ZNF701: variants seen among roughly 807,000 people sequenced by gnomAD.
ZNF701 encodes the protein zinc finger protein 701.
In ZNF701, 6 loss-of-function variants were observed where a neutral mutation model predicts 7.1. The ratio of observed to expected loss-of-function variants is 0.84; its 90% confidence interval spans 0.46 to 1.66. ZNF701 has a LOEUF of 1.66. Ranked by LOEUF, ZNF701 falls within the 40% of genes most tolerant of loss-of-function variation. ZNF701 has a pLI of 0.01. For synonymous variants in ZNF701, 166 were observed against 188.2 expected, an observed-to-expected ratio of 0.88 and a Z score of 0.97; for missense variants, 541 against 559.2, an observed-to-expected ratio of 0.97 and a Z score of 0.33.
the ZNF701 span, among the ~76,000 whole-genome samples, chr19:52,593,844 A>G: frequency 9.3e-6 from 1 of 107,936 alleles, no homozygotes; most frequent in Non-Finnish European, 2.0e-5. Context: ...CTGGACAGCC[A>G]GGCAGAGGGG....
rs756479575 is a variant in ZNF701, at chr19:52,574,086, C to A, written c.-62C>A. On this transcript the variant is annotated 5_prime_UTR_variant, in exon 2 of 4. Transcript: ENST00000391785. ...TATTTCTAACATTCAGGATTGACTT[C>A]TAAAGACTTGGTACGTGAGGAAAAA... 2.5e-6 allele frequency: 4 copies of A among 1,611,948 alleles called. No individual in the cohort carries two copies. The highest frequency in any genetic ancestry group is 3.4e-6 in the Non-Finnish European group (4 of 1,179,248).
At chr19:52,575,168 A>G (rs1001053205) in intron 2 of ZNF701, among the ~76,000 whole-genome samples, 7 of 151,988 alleles carry the variant, frequency 4.6e-5, no homozygotes, top group Admixed American at 4.6e-4. Flanking sequence ...ACGGGGTTTC[A>G]CCGTGTTAGC....
chr19:52,580,846 G>A (rs2059970634), intron 3 of ZNF701, among the ~76,000 whole-genome samples: 1 of 152,006 alleles, frequency 6.6e-6, no homozygotes, highest in African/African-American at 2.4e-5. Flanking sequence ...AAGTGCTGCT[G>A]GGCACAGTGG....
At chr19:52,572,693 G>A (rs1415909024) in intron 1 of ZNF701, 13 of 346,470 alleles carry the variant, frequency 3.8e-5, no homozygotes, top group Non-Finnish European at 5.5e-5. Flanking sequence ...GTCCCTGGCA[G>A]GGAACCCTCC....
At chr19:52,593,681 C>CG in the ZNF701 span, among the ~76,000 whole-genome samples, 1 of 111,892 alleles carries the variant, frequency 8.9e-6, no homozygotes, top group Admixed American at 9.1e-5. Context: ...ACTTATCAGA[C>CG]GGGGTGGCTG....
At chr19:52,595,070 C>T in the ZNF701 span, among the ~76,000 whole-genome samples, 6 of 152,100 alleles carry the variant, frequency 3.9e-5, no homozygotes, top group African/African-American at 1.4e-4. Flanking sequence ...CAACCTCCGC[C>T]TCCTGGGTTC....
chr19:52,590,302 T>C (rs550753654), downstream of ZNF701, among the ~76,000 whole-genome samples: 36 of 147,924 alleles, frequency 2.4e-4, no homozygotes, highest in South Asian at 7.8e-3. Context: ...GGTTTTGCCA[T>C]AATGACCAGG....
Position 52,574,173 on chromosome 19 carries a change from A to G in ZNF701, c.15+11A>G, listed in dbSNP as rs1162307931. Reference sequence around the variant, plus strand: ...ATGGCTCTTCTTCAGGTGAGATGATATTCTCGGGGGATTGTTCTGTCTCCT... The same window carrying G: ...ATGGCTCTTCTTCAGGTGAGATGATGTTCTCGGGGGATTGTTCTGTCTCCT... On this transcript the variant is annotated intron_variant, in intron 2 of 3. Transcript: ENST00000391785. 2 of 1,608,024 alleles carry G rather than the reference A, an allele frequency of 1.2e-6. No individual in the cohort carries two copies. Among genetic ancestry groups the G allele is most frequent in the Non-Finnish European group, 1.7e-6 (2 of 1,176,056 alleles).
chr19:52,583,753 C>A lies in ZNF701; in HGVS notation c.*296C>A. 1 of 623,152 alleles carries A rather than the reference C, an allele frequency of 1.6e-6. No individual in the cohort carries two copies. The allele number at this position is 623,152 out of a possible 1,614,324, so 38.6% of individuals were successfully genotyped here. On this transcript the variant is annotated 3_prime_UTR_variant, in exon 4 of 4. Transcript: ENST00000391785. ...GCCTTTGGTGGTCAGTCAACACTTA[C>A]TCACCATCAAGCAATCCATGGTATA...
downstream of ZNF701, chr19:52,592,134 T>A (rs7245397): frequency 0.29 from 394,484 of 1,365,308 alleles, 58,249 homozygotes; most frequent in Admixed American, 0.36. Context: ...TGGCTATAGA[T>A]TTCTCTTTGG....
downstream of ZNF701, among the ~76,000 whole-genome samples, chr19:52,587,981 G>C (rs1192627066): frequency 6.6e-6 from 1 of 152,200 alleles, no homozygotes; most frequent in Non-Finnish European, 1.5e-5. Context: ...GTGTCCTGAA[G>C]ATCTGTGTCT....
chr19:52,570,710 T>A (rs1321891641), intron 1 of ZNF701: 2 of 152,250 alleles, frequency 1.3e-5, no homozygotes, highest in Non-Finnish European at 2.9e-5. Context: ...GATCCCAGTC[T>A]CAGGGAGGCC....
At chr19:52,575,353 TACAC>T (rs143468716) in intron 2 of ZNF701, among the ~76,000 whole-genome samples, 2 of 152,018 alleles carry the variant, frequency 1.3e-5, no homozygotes, top group Non-Finnish European at 2.9e-5. Context: ...CATACATATA[TACAC>T]ACACACATAT....
At chr19:52,574,206 A>G in intron 2 of ZNF701, 44 bp downstream of exon 2, 2 of 1,600,802 alleles carry the variant, frequency 1.2e-6, no homozygotes, top group South Asian at 1.1e-5. Flanking sequence ...CCTTCCTTTC[A>G]GAAATGCTGA....
At chr19:52,599,656 C>A in the ZNF701 span, among the ~76,000 whole-genome samples, 1 of 152,200 alleles carries the variant, frequency 6.6e-6, no homozygotes, top group Non-Finnish European at 1.5e-5. Context: ...TGTGTGAAAT[C>A]TTAACGTCTC....
At chr19:52,580,001 G>A (rs1186438924) in intron 3 of ZNF701, among the ~76,000 whole-genome samples, 4 of 142,480 alleles carry the variant, frequency 2.8e-5, no homozygotes, top group Non-Finnish European at 5.9e-5. Flanking sequence ...GAGTGCAGTG[G>A]CACGATCTCA....
At chr19:52,592,775 T>TGGCCAGGCTGGTC in the ZNF701 span, among the ~76,000 whole-genome samples, 14 of 48,258 alleles carry the variant, frequency 2.9e-4, no homozygotes, top group Admixed American at 4.7e-4. Context: ...TTTTTTTTAT[T>TGGCCAGGCTGGTC]TTTATTTTAT....
rs866519073 is a variant in ZNF701 at position 52,577,849 on chromosome 19, A to G, written c.142+1828A>G. On this transcript the variant is annotated intron_variant, in intron 3 of 3. Coordinates refer to ENST00000391785, the MANE Select transcript of ZNF701 (RefSeq NM_018260.3). ...CCCCTCCCTGTGGTGCTGTGCTTCA[A>G]TGGTCATGCTCCTTGTCTACTTTCA... Among the ~76,000 whole-genome samples the G allele has an allele frequency of 7.0e-4, 106 of 152,204 alleles. 1 individual carries two copies. Among genetic ancestry groups the G allele is most frequent in the African/African-American group, 2.3e-3 (96 of 41,544 alleles).
intron 3 of ZNF701, among the ~76,000 whole-genome samples, chr19:52,576,789 A>G (rs1462300995): frequency 6.6e-6 from 1 of 152,178 alleles, no homozygotes; most frequent in Non-Finnish European, 1.5e-5. Flanking sequence ...AAGCTCCAGC[A>G]CGTCTTAGTA....
Sources: allele counts gnomAD v4.1 joint callset (sites outside exome capture counted in the v4.1 genomes callset), GRCh38; gene constraint gnomAD v4.1.1; transcripts MANE v1.5; gene names NCBI Gene and HGNC (gene_info 2026-07-23, HGNC 2026-07-21).